The following UGGT2 variants were observed in gnomAD, a reference collection of about 807,000 sequenced individuals.
UGGT2 encodes the protein UDP-glucose glycoprotein glucosyltransferase 2.
UGGT2 carries 180 observed loss-of-function variants against 192.1 expected under a neutral mutation model. The observed-to-expected ratio is 0.94, with a 90% CI of 0.83 to 1.06. The LOEUF (loss-of-function observed/expected upper bound fraction) is 1.06, where lower values mean the gene tolerates loss of function less well. Among genes scored for constraint, UGGT2 ranks in the 50% least tolerant of loss-of-function variants. The probability of loss-of-function intolerance (pLI) is 0.00; values close to 1 mark genes in which losing one functional copy is unlikely to be tolerated. For missense variants in UGGT2, 1,849 were observed against 1,795.7 expected (o/e 1.03, Z -0.54); for synonymous variants, 580 against 591.0 (o/e 0.98, Z 0.27).
chr13:95,884,057 T>C (rs2047570681), intron 27 of UGGT2, among the ~76,000 whole-genome samples: 1 of 97,058 alleles, frequency 1.0e-5, no homozygotes, highest in Non-Finnish European at 2.0e-5. Flanking sequence ...GGCTATGAGC[T>C]GTGAGGCCAA....
At chr13:96,052,296 A>G (rs757003807) in intron 1 of UGGT2, among the ~76,000 whole-genome samples, 6 of 152,182 alleles carry the variant, frequency 3.9e-5, no homozygotes, top group East Asian at 1.9e-4. Context: ...GATTGACACA[A>G]TGGACTTCGG....
intron 2 of UGGT2, among the ~76,000 whole-genome samples, chr13:96,028,902 T>C (rs1375819966): frequency 6.6e-6 from 1 of 151,986 alleles, no homozygotes; most frequent in Non-Finnish European, 1.5e-5. Flanking sequence ...TCCCAGAACT[T>C]TGGGAGGCCG....
chr13:96,012,899 C>T (rs2052208918), intron 5 of UGGT2, among the ~76,000 whole-genome samples: 1 of 151,842 alleles, frequency 6.6e-6, no homozygotes, highest in Admixed American at 6.6e-5. Flanking sequence ...ACAGCACATA[C>T]CAGATACCTG....
chr13:95,858,302 G>A (rs563794639), intron 33 of UGGT2, among the ~76,000 whole-genome samples: 23 of 151,700 alleles, frequency 1.5e-4, no homozygotes, highest in African/African-American at 4.8e-4. Context: ...GAATGTCTAC[G>A]TTTACCTGCA....
At chr13:95,893,760 T>A (rs563857563) in intron 24 of UGGT2, among the ~76,000 whole-genome samples, 137 of 152,166 alleles carry the variant, frequency 9.0e-4, no homozygotes, top group African/African-American at 3.2e-3. Context: ...AGTATTTTTT[T>A]AAAAAGCAGT....
At chr13:96,006,623 CAAA>C (rs61256349) in intron 5 of UGGT2, among the ~76,000 whole-genome samples, 16 of 93,460 alleles carry the variant, frequency 1.7e-4, no homozygotes, top group African/African-American at 7.6e-4. Flanking sequence ...GATTCTGCCT[CAAA>C]AAAAAAAAAA....
chr13:95,975,010 G>A (rs1294194715), intron 10 of UGGT2, among the ~76,000 whole-genome samples: 2 of 152,166 alleles, frequency 1.3e-5, no homozygotes, highest in African/African-American at 4.8e-5. Flanking sequence ...CATCCCAGGA[G>A]GTGGAGGTTG....
intron 1 of UGGT2, among the ~76,000 whole-genome samples, chr13:96,046,789 C>T (rs149173608): frequency 4.9e-4 from 74 of 152,290 alleles, no homozygotes; most frequent in African/African-American, 1.4e-3. Context: ...GCTTTTCCAA[C>T]GGTCTTAGCA....
intron 29 of UGGT2, among the ~76,000 whole-genome samples, chr13:95,871,614 T>A (rs553000919): frequency 6.6e-6 from 1 of 152,324 alleles, no homozygotes; most frequent in African/African-American, 2.4e-5. Flanking sequence ...GTTGCTCTAA[T>A]CGAGGAGTCA....
At chr13:95,899,464 T>G (rs1187023884) in intron 22 of UGGT2, among the ~76,000 whole-genome samples, 1 of 152,118 alleles carries the variant, frequency 6.6e-6, no homozygotes, top group Non-Finnish European at 1.5e-5. Context: ...TTTTATCAAT[T>G]TTAAGGAAAG....
chr13:96,017,209 T>C (rs1594580779), intron 4 of UGGT2, among the ~76,000 whole-genome samples: 2 of 152,322 alleles, frequency 1.3e-5, no homozygotes, highest in Admixed American at 6.5e-5. Context: ...TTGGACTTGA[T>C]GTTGGAACGA....
rs184830325 is a variant in UGGT2 at position 95,847,498 on chromosome 13, A to C, written c.4284+6045T>G. ...CAAACTCTGACAACCACTTATCTTT[A>C]TACTGTCTCCATAGTTTTGCTTTTT... On this transcript the variant is annotated intron_variant, in intron 36 of 38. Transcript: ENST00000376747. 2.7e-3 allele frequency among the ~76,000 whole-genome samples: 417 copies of C among 152,230 alleles called. 2 individuals are homozygous for C. The highest frequency in any genetic ancestry group is 9.6e-3 in the African/African-American group (400 of 41,544).
At chr13:95,980,778 C>T (rs1311262769) in intron 10 of UGGT2, among the ~76,000 whole-genome samples, 1 of 152,188 alleles carries the variant, frequency 6.6e-6, no homozygotes, top group Admixed American at 6.5e-5. Context: ...GGGCAGATTA[C>T]CTGAGGTCAG....
At chr13:95,886,043 T>C (rs1186718481) in intron 26 of UGGT2, among the ~76,000 whole-genome samples, 1 of 151,972 alleles carries the variant, frequency 6.6e-6, no homozygotes, top group Non-Finnish European at 1.5e-5. Flanking sequence ...AGTATAGAGA[T>C]TAAAGATCCA....
At chr13:95,901,341 A>G (rs539553685) in intron 21 of UGGT2, among the ~76,000 whole-genome samples, 65 of 152,274 alleles carry the variant, frequency 4.3e-4, no homozygotes, top group African/African-American at 1.5e-3. Context: ...CTTTCTCCCC[A>G]TTATACTAAT....
At position 95,860,740 on chromosome 13, in the gene UGGT2, C is replaced by G. The variant is rs1439532488; in HGVS notation, c.3740+48G>C. The G allele has an allele frequency of 3.3e-6, 4 of 1,207,938 alleles. No individual in the cohort carries two copies. In the South Asian group the frequency reaches 7.9e-5, roughly 24 times the overall value. 74.8% of individuals were successfully genotyped at this position (1,207,938 alleles called of 1,614,324 possible). ...CTTTATTTTTTTTTGAAATTTGAAC[C>G]ATGTAAATATTTCTTTTTCAAAATA... On this transcript the variant is annotated intron_variant, in intron 32 of 38. Transcript: ENST00000376747.
intron 11 of UGGT2, among the ~76,000 whole-genome samples, chr13:95,971,209 T>C (rs2050762696): frequency 6.6e-6 from 1 of 152,244 alleles, no homozygotes; most frequent in Non-Finnish European, 1.5e-5. Context: ...CTCCTGTTCT[T>C]TCCCCACATG....
chr13:95,954,782 G>A (rs891100998), intron 12 of UGGT2, among the ~76,000 whole-genome samples: 9 of 152,092 alleles, frequency 5.9e-5, no homozygotes, highest in South Asian at 2.1e-4. Flanking sequence ...TGACCACCTC[G>A]GGCACATGTT....
intron 29 of UGGT2, among the ~76,000 whole-genome samples, chr13:95,868,096 G>C (rs1441175166): frequency 3.3e-5 from 5 of 152,216 alleles, no homozygotes; most frequent in Admixed American, 2.0e-4. Context: ...TTTGTTGAAG[G>C]GGAAGCAATC....
Sources: allele counts gnomAD v4.1 joint callset (sites outside exome capture counted in the v4.1 genomes callset), GRCh38; gene constraint gnomAD v4.1.1; transcripts MANE v1.5; gene names NCBI Gene and HGNC (gene_info 2026-07-23, HGNC 2026-07-21).